TRAPPC9: variants seen among roughly 807,000 people sequenced by gnomAD.
The protein encoded by TRAPPC9 is trafficking protein particle complex subunit 9.
Under a neutral mutation model 124.0 loss-of-function variants are expected in TRAPPC9, and 83 were observed. The ratio of observed to expected loss-of-function variants is 0.67; its 90% CI spans 0.56 to 0.80. The LOEUF is 0.80. Ranked by LOEUF, TRAPPC9 falls within the 30% of genes least tolerant of loss-of-function variation. TRAPPC9 has a pLI of 0.00. For synonymous variants in TRAPPC9, 638 were observed against 617.5 expected, an observed-to-expected ratio of 1.03 and a Z score of -0.49; for missense variants, 1,302 against 1,508.3, an observed-to-expected ratio of 0.86 and a Z score of 2.27.
intron 7 of TRAPPC9, among the ~76,000 whole-genome samples, chr8:140,381,223 A>T (rs2068598701): frequency 6.6e-6 from 1 of 150,838 alleles, no homozygotes; most frequent in African/African-American, 2.4e-5. Context: ...AAAAAAAAGA[A>T]GAAGAAAAGA....
rs1255332541 is a variant in TRAPPC9 at position 139,727,970 on chromosome 8, A to G, written c.*3091T>C. Reference sequence around the variant, plus strand: ...GTGGATGGAATTAAAAAGAACAGCAATGGGAAGGCTAGGAGAAGGGACCCA... The same window carrying G: ...GTGGATGGAATTAAAAAGAACAGCAGTGGGAAGGCTAGGAGAAGGGACCCA... On this transcript the variant is annotated 3_prime_UTR_variant, in exon 23 of 23. Coordinates refer to ENST00000438773, the MANE Select transcript of TRAPPC9 (RefSeq NM_001160372.4). 1.3e-5 allele frequency among the ~76,000 whole-genome samples: 2 copies of G among 152,184 alleles called. No homozygotes were observed. The highest frequency in any genetic ancestry group is 4.8e-5 in the African/African-American group (2 of 41,438).
At chr8:140,048,536 C>G (rs1841769429) in intron 17 of TRAPPC9, among the ~76,000 whole-genome samples, 1 of 152,002 alleles carries the variant, frequency 6.6e-6, no homozygotes, top group African/African-American at 2.4e-5. Flanking sequence ...AAGTGGAGAC[C>G]AAGAGCTCCA....
At chr8:140,101,645 C>T (rs146046941) in intron 17 of TRAPPC9, among the ~76,000 whole-genome samples, 3,559 of 143,612 alleles carry the variant, frequency 0.025, 45 homozygotes, top group South Asian at 0.046. Context: ...TGGGTTCAAG[C>T]GATTCTCCTG....
intron 5 of TRAPPC9, among the ~76,000 whole-genome samples, chr8:140,416,680 G>A (rs1208596658): frequency 2.6e-5 from 4 of 152,120 alleles, no homozygotes; most frequent in Non-Finnish European, 5.9e-5. Context: ...TCCCCATCAA[G>A]CTACCATTAA....
chr8:140,373,524 T>C (rs2068343069), intron 7 of TRAPPC9, among the ~76,000 whole-genome samples: 1 of 152,206 alleles, frequency 6.6e-6, no homozygotes, highest in Admixed American at 6.5e-5. Flanking sequence ...ATAATGTCCT[T>C]TCTCTGTGTC....
At chr8:140,089,883 T>G (rs1032765204) in intron 17 of TRAPPC9, among the ~76,000 whole-genome samples, 2 of 151,908 alleles carry the variant, frequency 1.3e-5, no homozygotes, top group Non-Finnish European at 2.9e-5. Flanking sequence ...ATCAAGACCA[T>G]CCTGGCCAAC....
chr8:139,878,780 C>A (rs2131078276), intron 21 of TRAPPC9, among the ~76,000 whole-genome samples: 1 of 152,342 alleles, frequency 6.6e-6, no homozygotes, highest in South Asian at 2.1e-4. Flanking sequence ...GCCTGGGCAA[C>A]ATAGGGAGAC....
At chr8:139,877,567 G>A (rs1233043745) in intron 21 of TRAPPC9, among the ~76,000 whole-genome samples, 1 of 152,128 alleles carries the variant, frequency 6.6e-6, no homozygotes, top group Non-Finnish European at 1.5e-5. Context: ...CTCCTGCCTT[G>A]CCATCAGACC....
chr8:140,289,021 C>T (rs2131745879), intron 12 of TRAPPC9, among the ~76,000 whole-genome samples: 1 of 152,272 alleles, frequency 6.6e-6, no homozygotes, highest in South Asian at 2.1e-4. Flanking sequence ...AAAGGACACA[C>T]ACAGATGGAG....
At position 139,742,966 on chromosome 8, in the gene TRAPPC9, G is replaced by T. The variant is rs892666895; in HGVS notation, c.3056-10764C>A. Among the ~76,000 whole-genome samples the T allele has an allele frequency of 6.6e-6, 1 of 152,126 alleles. No homozygotes were observed. Among genetic ancestry groups the T allele is most frequent in the Admixed American group, 6.5e-5 (1 of 15,270 alleles). On this transcript the variant is annotated intron_variant, in intron 21 of 22. Transcript: ENST00000438773. The surrounding 1 kb of genome is among the most constrained non-coding windows in gnomAD (Gnocchi z 4.7). ...GTGGTGCTGAGCATGAGTTTCTGCCGTGCATGTGTCCAGGGTTGCAGGCCC... is the reference window on the plus strand; with the variant it reads ...GTGGTGCTGAGCATGAGTTTCTGCCTTGCATGTGTCCAGGGTTGCAGGCCC...
At chr8:140,327,423 C>T (rs2066768607) in intron 9 of TRAPPC9, among the ~76,000 whole-genome samples, 1 of 152,166 alleles carries the variant, frequency 6.6e-6, no homozygotes, top group Non-Finnish European at 1.5e-5. Context: ...ATACCAAAAA[C>T]CATTGAAAAT....
In TRAPPC9 at chr8:139,760,700, G is replaced by T. The variant is rs549254093; in HGVS notation, c.3056-28498C>A. Reference sequence around the variant, plus strand: ...ACCCCAGCCTGTCTCAGAAGTGTAAGGCAAGGAGGAGCAAGTCACTTCTTA... The same window carrying T: ...ACCCCAGCCTGTCTCAGAAGTGTAATGCAAGGAGGAGCAAGTCACTTCTTA... On this transcript the variant is annotated intron_variant, in intron 21 of 22. Transcript: ENST00000438773. 9.2e-5 allele frequency among the ~76,000 whole-genome samples: 14 copies of T among 152,334 alleles called. No homozygotes were observed. The South Asian group carries it at 2.7e-3, about 29-fold the overall frequency.
intron 17 of TRAPPC9, among the ~76,000 whole-genome samples, chr8:140,198,733 C>A (rs909433095): frequency 6.6e-6 from 1 of 152,158 alleles, no homozygotes; most frequent in Non-Finnish European, 1.5e-5. Context: ...CAAAGTGAAC[C>A]CCTTGGGTGG....
At chr8:140,378,312 G>A (rs555590217) in intron 7 of TRAPPC9, among the ~76,000 whole-genome samples, 27 of 152,290 alleles carry the variant, frequency 1.8e-4, no homozygotes, top group African/African-American at 6.3e-4. Flanking sequence ...ATTTGACTCG[G>A]TGGGCTGGGA....
chr8:140,348,438 T>TG (rs2067414627), intron 9 of TRAPPC9, among the ~76,000 whole-genome samples: 1 of 152,186 alleles, frequency 6.6e-6, no homozygotes, highest in South Asian at 2.1e-4. Context: ...GCAGCCCTGC[T>TG]GCTGGCTGCA....
chr8:139,797,117 C>G (rs572374000), intron 21 of TRAPPC9, among the ~76,000 whole-genome samples: 1 of 151,780 alleles, frequency 6.6e-6, no homozygotes, highest in African/African-American at 2.4e-5. Flanking sequence ...ACTGTTGAGT[C>G]GAAAGAGGTC....
At chr8:140,233,623 C>CCGCACACACACACA in intron 16 of TRAPPC9, among the ~76,000 whole-genome samples, 1 of 90,862 alleles carries the variant, frequency 1.1e-5, no homozygotes, top group Admixed American at 1.3e-4. Context: ...TCTCTCCCCA[C>CCGCACACACACACA]CACACACACA....
At chr8:140,034,141 T>C (rs1206948204) in intron 17 of TRAPPC9, among the ~76,000 whole-genome samples, 1 of 152,236 alleles carries the variant, frequency 6.6e-6, no homozygotes, top group Non-Finnish European at 1.5e-5. Flanking sequence ...TTGTTAATTT[T>C]CTCAAGTGTG....
At chr8:139,792,478 A>C (rs73362180) in intron 21 of TRAPPC9, among the ~76,000 whole-genome samples, 1 of 152,166 alleles carries the variant, frequency 6.6e-6, no homozygotes, top group Non-Finnish European at 1.5e-5. Flanking sequence ...GCTTACATAC[A>C]CAGATGCACT....
Sources: allele counts gnomAD v4.1 joint callset (sites outside exome capture counted in the v4.1 genomes callset), GRCh38; gene constraint gnomAD v4.1.1; non-coding constraint Gnocchi (gnomAD v3.1); transcripts MANE v1.5; gene names NCBI Gene and HGNC (gene_info 2026-07-23, HGNC 2026-07-21).